WDR49: variants seen among roughly 807,000 people sequenced by gnomAD.
WDR49 encodes cilia- and flagella-associated protein 337.
Under a neutral mutation model 119.5 loss-of-function variants are expected in WDR49, and 107 were observed. That is an observed-to-expected ratio of 0.90 (90% CI 0.77 to 1.05). The LOEUF (loss-of-function observed/expected upper bound fraction) is 1.05, where lower values mean the gene tolerates loss of function less well. WDR49 is among the 50% of genes least tolerant of loss of function. The pLI, the probability that WDR49 is intolerant of heterozygous loss-of-function variation, is 0.00. For synonymous variants in WDR49, 425 were observed against 418.8 expected, an observed-to-expected ratio of 1.01 and a Z score of -0.18; for missense variants, 1,240 against 1,220.5, an observed-to-expected ratio of 1.02 and a Z score of -0.24.
chr3:167,618,977 TC>T (rs1350684294), intron 5 of WDR49, among the ~76,000 whole-genome samples: 1 of 152,146 alleles, frequency 6.6e-6, no homozygotes, highest in Non-Finnish European at 1.5e-5. Context: ...TTCCCCATTC[TC>T]TTCCTGAACA....
chr3:167,491,778 C>G (rs1751141501), intron 18 of WDR49, among the ~76,000 whole-genome samples: 1 of 151,980 alleles, frequency 6.6e-6, no homozygotes, highest in Non-Finnish European at 1.5e-5. Context: ...TAAGGCATAT[C>G]AAAGAGGGGT....
intron 7 of WDR49, among the ~76,000 whole-genome samples, chr3:167,591,335 T>A (rs1282846337): frequency 6.6e-6 from 1 of 152,128 alleles, no homozygotes; most frequent in Non-Finnish European, 1.5e-5. Context: ...ATATGGTCTA[T>A]CTCTGAGAAT....
chr3:167,494,720 G>A (rs1328064963), intron 18 of WDR49, among the ~76,000 whole-genome samples: 1 of 152,204 alleles, frequency 6.6e-6, no homozygotes, highest in Non-Finnish European at 1.5e-5. Context: ...GGCTATGTGG[G>A]TTGGTGTGAT....
At chr3:167,600,178 T>C (rs2108304186) in intron 7 of WDR49, among the ~76,000 whole-genome samples, 1 of 152,160 alleles carries the variant, frequency 6.6e-6, no homozygotes, top group East Asian at 1.9e-4. Context: ...GGGGTCTCTT[T>C]CGAAGTTGTG....
At chr3:167,481,066 C>CAAA (rs34399475) in intron 18 of WDR49, among the ~76,000 whole-genome samples, 2,217 of 135,682 alleles carry the variant, frequency 0.016, 52 homozygotes, top group African/African-American at 0.051. Context: ...ATATTTCAAG[C>CAAA]AAAAAAAAAA....
At chr3:167,598,565 G>C (rs891349590) in intron 7 of WDR49, among the ~76,000 whole-genome samples, 1 of 152,120 alleles carries the variant, frequency 6.6e-6, no homozygotes, top group Non-Finnish European at 1.5e-5. Flanking sequence ...TCTTTCTCCT[G>C]CTGCCATGAA....
intron 7 of WDR49, among the ~76,000 whole-genome samples, chr3:167,578,067 T>G (rs938682903): frequency 6.6e-6 from 1 of 152,156 alleles, no homozygotes; most frequent in East Asian, 1.9e-4. Flanking sequence ...TTTCATTCTA[T>G]CCTACCTTCT....
chr3:167,598,578 A>G (rs1008493646), intron 7 of WDR49, among the ~76,000 whole-genome samples: 1 of 152,148 alleles, frequency 6.6e-6, no homozygotes, highest in South Asian at 2.1e-4. Flanking sequence ...GCCATGAAAG[A>G]TGTGCCTTGC....
intron 2 of WDR49, chr3:167,633,420 A>G (rs767854288): frequency 2.4e-5 from 11 of 455,876 alleles, no homozygotes; most frequent in Non-Finnish European, 4.9e-5. Context: ...TGTTCCCAGA[A>G]CCATGGCTCT....
chr3:167,636,754 C>A (rs141305839), intron 2 of WDR49, among the ~76,000 whole-genome samples: 157 of 151,906 alleles, frequency 1.0e-3, no homozygotes, highest in Non-Finnish European at 1.8e-3. Context: ...TAATGTTGAG[C>A]ATTTTTTCAT....
chr3:167,602,563 A>T (rs1303175838), intron 6 of WDR49, among the ~76,000 whole-genome samples: 1 of 152,076 alleles, frequency 6.6e-6, no homozygotes, highest in African/African-American at 2.4e-5. Context: ...ACCAACCAAC[A>T]GCCTAACCAG....
intron 10 of WDR49, among the ~76,000 whole-genome samples, chr3:167,551,691 G>A (rs1317236495): frequency 6.6e-6 from 1 of 152,000 alleles, no homozygotes; most frequent in Non-Finnish European, 1.5e-5. Flanking sequence ...ATTGTGAAGA[G>A]AGAATATAAT....
chr3:167,516,473 C>T (rs910773152), intron 16 of WDR49, among the ~76,000 whole-genome samples: 1 of 152,012 alleles, frequency 6.6e-6, no homozygotes, highest in Non-Finnish European at 1.5e-5. Context: ...TGTATATATG[C>T]CACATTTTCT....
At chr3:167,481,019 A>T (rs1750699415) in intron 18 of WDR49, among the ~76,000 whole-genome samples, 1 of 151,400 alleles carries the variant, frequency 6.6e-6, no homozygotes, top group South Asian at 2.1e-4. Flanking sequence ...GGATACCCTG[A>T]TCTCACATCC....
At chr3:167,497,178 T>C (rs572770537) in intron 18 of WDR49, among the ~76,000 whole-genome samples, 15 of 152,318 alleles carry the variant, frequency 9.8e-5, no homozygotes, top group African/African-American at 3.6e-4. Context: ...GGTGGTGTCA[T>C]ATGTCATCAA....
intron 7 of WDR49, among the ~76,000 whole-genome samples, chr3:167,599,059 G>T (rs116502977): frequency 6.6e-6 from 1 of 152,102 alleles, no homozygotes; most frequent in South Asian, 2.1e-4. Context: ...ACTGGGTCTT[G>T]CCAAAAGCCT....
chr3:167,643,004 G>A (rs1717954909), intron 2 of WDR49, among the ~76,000 whole-genome samples: 2 of 151,918 alleles, frequency 1.3e-5, no homozygotes. Context: ...CTCTCTTACA[G>A]AAAGAAAAAT....
At chr3:167,657,384 A>G (rs534743033), upstream of WDR49, among the ~76,000 whole-genome samples, 3 of 152,356 alleles carry the variant, frequency 2.0e-5, no homozygotes, top group East Asian at 5.8e-4. Flanking sequence ...AAAACACAGT[A>G]TACCATAATA....
chr3:167,625,027 G>A (rs1717066120), intron 3 of WDR49, among the ~76,000 whole-genome samples: 1 of 151,958 alleles, frequency 6.6e-6, no homozygotes, highest in Non-Finnish European at 1.5e-5. Context: ...TTGTAAAGTG[G>A]GAATAATATC....
Sources: gnomAD v4.1 joint callset for allele counts (sites outside exome capture counted in the v4.1 genomes callset) on GRCh38, gnomAD v4.1.1 for gene constraint, MANE v1.5 for transcripts, NCBI Gene and HGNC (gene_info 2026-07-23, HGNC 2026-07-21) for gene names.